Variants in CALHM4 observed in about 807,000 individuals in gnomAD.
The protein encoded by CALHM4 is calcium homeostasis modulator family member 4, also known as calcium homeostasis modulator protein 4.
A neutral mutation model predicts 13.3 loss-of-function variants in CALHM4; 16 were observed. The ratio of observed to expected loss-of-function variants is 1.20; its 90% confidence interval spans 0.81 to 1.82. The LOEUF (loss-of-function observed/expected upper bound fraction) is 1.82, where lower values mean the gene tolerates loss of function less well. Among genes scored for constraint, CALHM4 ranks in the 40% most tolerant of loss-of-function variants. CALHM4 has a pLI of 0.00. For missense variants in CALHM4, 344 were observed against 374.9 expected (o/e 0.92, Z 0.68); for synonymous variants, 127 against 137.1 (o/e 0.93, Z 0.52).
intron 1 of CALHM4, among the ~76,000 whole-genome samples, chr6:116,556,399 G>A (rs911363699): frequency 5.9e-5 from 9 of 152,158 alleles, no homozygotes; most frequent in African/African-American, 2.2e-4. Context: ...TATTACACAT[G>A]GGGGAAGGTC....
chr6:116,547,949 G>C (rs1201507729), intron 2 of CALHM4, among the ~76,000 whole-genome samples: 1 of 152,224 alleles, frequency 6.6e-6, no homozygotes, highest in African/African-American at 2.4e-5. Context: ...GAATACATGG[G>C]CAGCAGAGTA....
chr6:116,553,039 A>C (rs1010762955), upstream of CALHM4, among the ~76,000 whole-genome samples: 2 of 152,188 alleles, frequency 1.3e-5, no homozygotes, highest in Non-Finnish European at 2.9e-5. Context: ...GCGCCACTGC[A>C]CTCCAGCCTG....
At position 116,557,940 on chromosome 6, in the gene CALHM4, T is replaced by C; in HGVS notation, c.674T>C (p.Leu225Pro). The change falls in exon 2 of 2, where the codon CTC (leucine) becomes CCC (proline). Residue 225 changes from leucine to proline, a missense_variant. Physicochemically the swap from Leu to Pro is moderately conservative, Grantham distance 98. Transcript: ENST00000368596. ...SLQHCYWTSH[L>P]QNERELFEQA... ...CAACATTGCTACTGGACCAGCCACC[T>C]CCAGAATGAGAGAGAACTCTTTGAA... The C allele has an allele frequency of 6.2e-7, 1 of 1,614,120 alleles. No individual in the cohort carries two copies.
chr6:116,546,252 G>A (rs1487834780), intron 2 of CALHM4, among the ~76,000 whole-genome samples: 1 of 152,264 alleles, frequency 6.6e-6, no homozygotes, highest in African/African-American at 2.4e-5. Context: ...GAGAAAGTAA[G>A]CCCTTAGCTT....
At chr6:116,556,180 T>C (rs1255458351) in intron 1 of CALHM4, among the ~76,000 whole-genome samples, 1 of 152,248 alleles carries the variant, frequency 6.6e-6, no homozygotes, top group East Asian at 1.9e-4. Flanking sequence ...TTATCTCCTC[T>C]GGGAAGTATT....
intron 1 of CALHM4, among the ~76,000 whole-genome samples, chr6:116,541,098 G>A (rs146391053): frequency 4.9e-4 from 75 of 152,166 alleles, no homozygotes; most frequent in African/African-American, 1.8e-3. Context: ...TCTCCACCCC[G>A]AGAAAATAGC....
chr6:116,535,847 G>T (rs942278973), intron 1 of CALHM4, among the ~76,000 whole-genome samples: 2 of 152,154 alleles, frequency 1.3e-5, no homozygotes, highest in African/African-American at 4.8e-5. Flanking sequence ...AAGGTCAAAA[G>T]AATTAAATTC....
chr6:116,529,982 GA>G (rs1278970693), intron 1 of CALHM4, among the ~76,000 whole-genome samples: 1 of 151,674 alleles, frequency 6.6e-6, no homozygotes, highest in Admixed American at 6.6e-5. Flanking sequence ...CAGAGGACAG[GA>G]AAAAAAATGC....
Position 116,539,525 on chromosome 6 carries a change from G to A in CALHM4, c.-108-4240G>A, listed in dbSNP as rs547240078. Among the ~76,000 whole-genome samples, 38 of 152,192 alleles carry A rather than the reference G, an allele frequency of 2.5e-4. 1 individual carries two copies. Among genetic ancestry groups the A allele is most frequent in the African/African-American group, 9.2e-4 (38 of 41,530 alleles). Reference sequence around the variant, plus strand: ...ACTTAATTTTCTTATCTGGAAAATGGGGATAGTAACTCCAATTCTGCCTAT... The same window carrying A: ...ACTTAATTTTCTTATCTGGAAAATGAGGATAGTAACTCCAATTCTGCCTAT... On this transcript the variant is annotated intron_variant, in intron 1 of 2. Transcript: ENST00000368597.
rs763985556 is a variant in CALHM4, at chr6:116,554,068, T to G, written c.275T>G (p.Ile92Ser). The G allele has an allele frequency of 3.1e-5, 48 of 1,550,506 alleles. No homozygotes were observed. Among genetic ancestry groups the G allele is most frequent in the Non-Finnish European group, 3.8e-5 (44 of 1,147,006 alleles). Residue 92 changes from isoleucine (I) to serine (S), a missense_variant, in exon 1 of 2, where the codon ATC (isoleucine) becomes AGC (serine). Physicochemically the swap from Ile to Ser is moderately radical, Grantham distance 142. Coordinates refer to ENST00000368596, the MANE Select transcript of CALHM4 (RefSeq NM_001366078.2). Reference protein sequence around the residue: ...CCSCAPPYRRISPLECKLACL... With the variant: ...CCSCAPPYRRSSPLECKLACL... ...AGCTGTGCCCCTCCATACAGGAGAA[T>G]CAGCCCCCTAGAGTGCAAGCTGGCT...
intron 1 of CALHM4, among the ~76,000 whole-genome samples, chr6:116,556,168 C>T (rs1179933773): frequency 6.6e-6 from 1 of 152,172 alleles, no homozygotes; most frequent in Non-Finnish European, 1.5e-5. Context: ...TAGGCTTTTG[C>T]ATTATCTCCT....
intron 1 of CALHM4, among the ~76,000 whole-genome samples, chr6:116,531,155 A>G (rs1459402056): frequency 6.6e-6 from 1 of 152,026 alleles, no homozygotes. Context: ...TAGCTTGGCT[A>G]GAGCCCTGGA....
intron 2 of CALHM4, among the ~76,000 whole-genome samples, chr6:116,547,447 A>G (rs1220849640): frequency 6.6e-6 from 1 of 152,198 alleles, no homozygotes; most frequent in Non-Finnish European, 1.5e-5. Flanking sequence ...CCTCTGCTCC[A>G]TTGACCTTCC....
upstream of CALHM4, among the ~76,000 whole-genome samples, chr6:116,549,980 TTATATATA>T (rs10544532): frequency 0.16 from 12,515 of 79,258 alleles, 1,049 homozygotes; most frequent in Admixed American, 0.2. Context: ...CCATCTTAAA[TTATATATA>T]TATATATATA....
intron 1 of CALHM4, among the ~76,000 whole-genome samples, chr6:116,538,503 C>G (rs1298240014): frequency 6.6e-6 from 1 of 152,112 alleles, no homozygotes; most frequent in Admixed American, 6.6e-5. Context: ...GCAAAAGATA[C>G]ATATACAAAC....
In CALHM4 at chr6:116,554,375, C is replaced by T. The variant is rs1442458726; in HGVS notation, c.558+24C>T. ...AGGTAAGTTTTTAGAATTTTTTTCC[C>T]TCTGCTATGTTATCCTATAGAACTA... On this transcript the variant is annotated intron_variant, in intron 1 of 1. Coordinates refer to ENST00000368596, the MANE Select transcript of CALHM4 (RefSeq NM_001366078.2). 3 of 1,496,082 alleles carry T rather than the reference C, an allele frequency of 2.0e-6. No homozygotes were observed. In the South Asian group the frequency reaches 3.9e-5, roughly 19 times the overall value. 92.7% of individuals were successfully genotyped at this position (1,496,082 alleles called of 1,614,324 possible).
chr6:116,543,026 T>C (rs1773559305), intron 1 of CALHM4, among the ~76,000 whole-genome samples: 1 of 152,178 alleles, frequency 6.6e-6, no homozygotes, highest in Non-Finnish European at 1.5e-5. Context: ...ACCACATCTT[T>C]TGCTTATAAG....
intron 1 of CALHM4, among the ~76,000 whole-genome samples, chr6:116,530,394 G>A (rs1228467065): frequency 6.6e-6 from 1 of 152,064 alleles, no homozygotes; most frequent in Non-Finnish European, 1.5e-5. Flanking sequence ...CAAGAGAAAG[G>A]ACTGAAAAAG....
In CALHM4 at chr6:116,560,434, G is replaced by A. The variant is rs1024678829; in HGVS notation, c.*2223G>A. The stretch of plus-strand genomic sequence containing the variant: ...CCCTTCTACATCAAACTCTTTTAGT[G>A]TATGATGTAAAAATTTTATATTTTG... On this transcript the variant is annotated 3_prime_UTR_variant, in exon 2 of 2. Transcript: ENST00000368596. Among the ~76,000 whole-genome samples the A allele has an allele frequency of 6.6e-6, 1 of 152,128 alleles. No homozygotes were observed.
Sources: gnomAD v4.1 joint callset for allele counts (sites outside exome capture counted in the v4.1 genomes callset) on GRCh38, gnomAD v4.1.1 for gene constraint, MANE v1.5 for transcripts, NCBI Gene and HGNC (gene_info 2026-07-23, HGNC 2026-07-21) for gene names.